The following PLXDC2 variants were observed in gnomAD, a reference collection of about 807,000 sequenced individuals.
PLXDC2 encodes the protein plexin domain-containing protein 2.
Under a neutral mutation model 68.9 loss-of-function variants are expected in PLXDC2, and 40 were observed. The ratio of observed to expected loss-of-function variants is 0.58; its 90% confidence interval spans 0.45 to 0.76. The LOEUF is 0.76. Ranked by LOEUF, PLXDC2 falls within the 30% of genes least tolerant of loss-of-function variation. PLXDC2 has a pLI of 0.00. For synonymous variants in PLXDC2, 243 were observed against 234.2 expected (o/e 1.04, Z -0.34); for missense variants, 644 against 661.9 (o/e 0.97, Z 0.30).
intron 2 of PLXDC2, among the ~76,000 whole-genome samples, chr10:20,039,963 AAT>A (rs1427254396): frequency 4.6e-5 from 7 of 152,186 alleles, no homozygotes; most frequent in African/African-American, 1.2e-4. Context: ...ATAAAAATAA[AAT>A]TCTAAGCATC....
At chr10:20,114,294 AC>A (rs1252046825) in intron 4 of PLXDC2, among the ~76,000 whole-genome samples, 9 of 151,982 alleles carry the variant, frequency 5.9e-5, no homozygotes, top group Admixed American at 3.3e-4. Flanking sequence ...CACATCATGC[AC>A]CGTTCTCTGT....
At chr10:20,018,809 C>T (rs993380874) in intron 2 of PLXDC2, among the ~76,000 whole-genome samples, 9 of 151,986 alleles carry the variant, frequency 5.9e-5, no homozygotes, top group African/African-American at 2.2e-4. Flanking sequence ...TTTAATAAGA[C>T]AGGAGCTGTT....
chr10:20,103,738 T>A (rs896599572), intron 4 of PLXDC2, among the ~76,000 whole-genome samples: 2 of 150,866 alleles, frequency 1.3e-5, no homozygotes, highest in Non-Finnish European at 2.9e-5. Context: ...ACCTCCTGGG[T>A]TCAAGCAATT....
chr10:20,085,183 G>C (rs1833174213), intron 4 of PLXDC2, among the ~76,000 whole-genome samples: 1 of 140,952 alleles, frequency 7.1e-6, no homozygotes, highest in African/African-American at 2.8e-5. Context: ...AAGGTGGGGG[G>C]AGCCTATGTG....
intron 13 of PLXDC2, among the ~76,000 whole-genome samples, chr10:20,254,486 T>C (rs1388179254): frequency 1.3e-5 from 2 of 152,210 alleles, no homozygotes; most frequent in Non-Finnish European, 2.9e-5. Context: ...ATATTTTTAA[T>C]AACTGAGTTT....
chr10:20,085,407 C>A (rs926311439), intron 4 of PLXDC2, among the ~76,000 whole-genome samples: 5 of 151,840 alleles, frequency 3.3e-5, no homozygotes, highest in African/African-American at 4.8e-5. Context: ...AATTTCCGTG[C>A]GGGAGGTGCT....
chr10:19,895,401 T>C (rs1448266029), intron 1 of PLXDC2, among the ~76,000 whole-genome samples: 2 of 152,160 alleles, frequency 1.3e-5, no homozygotes, highest in Non-Finnish European at 2.9e-5. Context: ...AATTCTAAAT[T>C]TCCCAGTAGC....
intron 1 of PLXDC2, among the ~76,000 whole-genome samples, chr10:19,912,293 A>T (rs575715719): frequency 6.6e-6 from 1 of 152,194 alleles, no homozygotes; most frequent in Non-Finnish European, 1.5e-5. Context: ...ATGAATGCAG[A>T]CTTTTATAAG....
rs146963894 is a variant in PLXDC2 at position 19,830,313 on chromosome 10, T to A, written c.112+13122T>A. On this transcript the variant is annotated intron_variant, in intron 1 of 13. Transcript: ENST00000377252. ...TAGTACCACACTCAGGGACTTGAGT[T>A]AACTCTTTTCACAGTCTTAATGTGA... 3.6e-3 allele frequency among the ~76,000 whole-genome samples: 551 copies of A among 152,350 alleles called. 4 individuals carry two copies. Among genetic ancestry groups the A allele is most frequent in the African/African-American group, 0.013 (527 of 41,576 alleles).
chr10:19,978,639 G>C (rs1344043449), intron 1 of PLXDC2, among the ~76,000 whole-genome samples: 8 of 152,190 alleles, frequency 5.3e-5, no homozygotes, highest in Non-Finnish European at 1.0e-4. Flanking sequence ...CAGAAATATA[G>C]CAATAGCAGG....
chr10:19,982,035 C>A (rs1834559250), intron 1 of PLXDC2, among the ~76,000 whole-genome samples: 1 of 152,214 alleles, frequency 6.6e-6, no homozygotes, highest in Non-Finnish European at 1.5e-5. Context: ...ATCTCCAGTG[C>A]TCTTATCATT....
At chr10:20,164,595 A>T in intron 7 of PLXDC2, 28 bp downstream of exon 7, 1 of 1,539,530 alleles carries the variant, frequency 6.5e-7, no homozygotes, top group African/African-American at 1.4e-5. Context: ...AGTCGCAATG[A>T]GTGAGCCTCT....
At chr10:19,847,309 A>C (rs1837026863) in intron 1 of PLXDC2, among the ~76,000 whole-genome samples, 1 of 152,118 alleles carries the variant, frequency 6.6e-6, no homozygotes, top group African/African-American at 2.4e-5. Context: ...CAAACAGTGG[A>C]TTTTCATGTG....
chr10:20,014,350 T>G (rs1589586330), intron 2 of PLXDC2, among the ~76,000 whole-genome samples: 1 of 108,792 alleles, frequency 9.2e-6, no homozygotes, highest in South Asian at 3.7e-4. Flanking sequence ...CCCTCCCTCC[T>G]TCCCTTTCCT....
chr10:19,878,034 G>T (rs1048859167), intron 1 of PLXDC2, among the ~76,000 whole-genome samples: 1 of 152,192 alleles, frequency 6.6e-6, no homozygotes, highest in African/African-American at 2.4e-5. Context: ...AAGACATTTA[G>T]ACTGGGCTTG....
At chr10:19,942,621 G>A (rs1459038642) in intron 1 of PLXDC2, among the ~76,000 whole-genome samples, 1 of 152,062 alleles carries the variant, frequency 6.6e-6, no homozygotes, top group Non-Finnish European at 1.5e-5. Flanking sequence ...ATAATTAGCC[G>A]GGCATGGTGG....
chr10:20,062,350 G>A (rs1052239926), intron 3 of PLXDC2, among the ~76,000 whole-genome samples: 1 of 152,166 alleles, frequency 6.6e-6, no homozygotes, highest in Non-Finnish European at 1.5e-5. Context: ...CTTGAACTTG[G>A]GAGGCAGATG....
intron 5 of PLXDC2, 65 bp from the exon 6 acceptor site, chr10:20,147,719 C>G: frequency 9.9e-7 from 1 of 1,012,118 alleles, no homozygotes. Flanking sequence ...TTTGTGAAAA[C>G]TCCCACCAGA....
At chr10:19,899,205 A>G (rs1033017110) in intron 1 of PLXDC2, among the ~76,000 whole-genome samples, 5 of 152,118 alleles carry the variant, frequency 3.3e-5, no homozygotes, top group Admixed American at 2.6e-4. Flanking sequence ...CTCTCAGACC[A>G]GTTGTTTATC....
Sources: allele counts gnomAD v4.1 joint callset (sites outside exome capture counted in the v4.1 genomes callset), GRCh38; gene constraint gnomAD v4.1.1; transcripts MANE v1.5; gene names NCBI Gene and HGNC (gene_info 2026-07-23, HGNC 2026-07-21).